Variants in AMBRA1 observed in about 807,000 individuals in gnomAD.
AMBRA1 encodes the protein autophagy and beclin 1 regulator 1.
A neutral mutation model predicts 125.4 loss-of-function variants in AMBRA1; 47 were observed. The observed-to-expected ratio is 0.37, with a 90% CI of 0.30 to 0.48. The LOEUF is 0.48. Ranked by LOEUF, AMBRA1 falls within the 20% of genes least tolerant of loss-of-function variation. The pLI is 0.99. For synonymous variants in AMBRA1, 626 were observed against 655.5 expected (o/e 0.95, Z 0.69); for missense variants, 1,331 against 1,693.4 (o/e 0.79, Z 3.76).
intron 1 of AMBRA1, among the ~76,000 whole-genome samples, chr11:46,554,783 A>C (rs2043115057): frequency 6.6e-6 from 1 of 152,206 alleles, no homozygotes; most frequent in Non-Finnish European, 1.5e-5. Context: ...AGGAAGAAGA[A>C]ACAAGTTTCC....
In AMBRA1 at chr11:46,518,726, AGAACTT is replaced by A. The variant is rs1951631107; in HGVS notation, c.2073-5919_2073-5914del. 3.9e-5 allele frequency among the ~76,000 whole-genome samples: 6 copies of A among 152,328 alleles called. No homozygotes were observed. The South Asian group carries it at 1.2e-3, about 32-fold the overall frequency. On this transcript the variant is annotated intron_variant, in intron 7 of 17. Transcript: ENST00000683756. ...AAATTACTAAGGGACAGAACAAAAA[AGAACTT>A]GAAATTAAAGTATTGTGCACTGGAA...
At chr11:46,505,537 T>C (rs2135024664) in intron 9 of AMBRA1, among the ~76,000 whole-genome samples, 1 of 152,332 alleles carries the variant, frequency 6.6e-6, no homozygotes, top group Admixed American at 6.5e-5. Flanking sequence ...AGAAGGGACT[T>C]TCCAAGGAGT....
intron 14 of AMBRA1, among the ~76,000 whole-genome samples, chr11:46,418,370 A>T (rs955265540): frequency 7.1e-6 from 1 of 140,792 alleles, no homozygotes; most frequent in African/African-American, 2.6e-5. Flanking sequence ...TTTATTATTT[A>T]TATATAAATA....
intron 11 of AMBRA1, among the ~76,000 whole-genome samples, chr11:46,453,001 T>A (rs1226715706): frequency 6.6e-6 from 1 of 152,210 alleles, no homozygotes. Flanking sequence ...TATGTAACCA[T>A]CAGCAAATAA....
intron 8 of AMBRA1, among the ~76,000 whole-genome samples, chr11:46,512,388 C>T (rs1197561998): frequency 6.6e-6 from 1 of 152,078 alleles, no homozygotes; most frequent in African/African-American, 2.4e-5. Context: ...ACATTTTGTT[C>T]CCCTGTTGGC....
At chr11:46,585,839 C>G (rs934940770) in intron 1 of AMBRA1, among the ~76,000 whole-genome samples, 2 of 147,696 alleles carry the variant, frequency 1.4e-5, no homozygotes, top group Non-Finnish European at 3.0e-5. Context: ...GAGTTTCGCT[C>G]TTGTTGCCCA....
chr11:46,417,340 G>A (rs1946591219), intron 15 of AMBRA1, among the ~76,000 whole-genome samples: 1 of 152,118 alleles, frequency 6.6e-6, no homozygotes, highest in African/African-American at 2.4e-5. Flanking sequence ...ATGAGCCACT[G>A]TGCCCAGCCC....
At chr11:46,591,832 G>A (rs1052518652) in intron 1 of AMBRA1, among the ~76,000 whole-genome samples, 3 of 151,914 alleles carry the variant, frequency 2.0e-5, no homozygotes, top group Admixed American at 2.0e-4. Flanking sequence ...ACTCCAGCCT[G>A]GGGGACAAAG....
Position 46,418,042 on chromosome 11 carries a change from T to G in AMBRA1, c.2987A>C (p.Asn996Thr). 2 of 1,597,246 alleles carry G rather than the reference T, an allele frequency of 1.3e-6. No individual in the cohort carries two copies. Among genetic ancestry groups the G allele is most frequent in the Non-Finnish European group, 1.7e-6 (2 of 1,168,650 alleles). ...GTCGGCAGGCATGGGATAAAGGACG[T>G]TGAAAACTCTCTAGGTAGAGGAAAA... ...GGETSMRRVFNVLYPMPADQR... is the reference protein window; with the variant it reads ...GGETSMRRVFTVLYPMPADQR... The change falls in exon 15 of 18, where the codon AAC (asparagine) becomes ACC (threonine). Residue 996 changes from asparagine to threonine, a missense_variant. By Grantham distance (65) the Asn-to-Thr change is moderately conservative. Coordinates refer to ENST00000683756, the MANE Select transcript of AMBRA1 (RefSeq NM_001387011.1).
intron 11 of AMBRA1, among the ~76,000 whole-genome samples, chr11:46,480,899 C>T (rs1004626612): frequency 2.0e-5 from 3 of 152,214 alleles, no homozygotes; most frequent in African/African-American, 7.2e-5. Flanking sequence ...GGGTTTGGGG[C>T]ACAGCCTCTT....
At chr11:46,469,167 T>C (rs940232128) in intron 11 of AMBRA1, among the ~76,000 whole-genome samples, 2 of 152,122 alleles carry the variant, frequency 1.3e-5, no homozygotes, top group African/African-American at 4.8e-5. Flanking sequence ...GAAGATGTAA[T>C]AAAATATTAG....
At chr11:46,447,048 T>C (rs577554772) in intron 11 of AMBRA1, among the ~76,000 whole-genome samples, 3 of 152,354 alleles carry the variant, frequency 2.0e-5, no homozygotes, top group Non-Finnish European at 4.4e-5. Context: ...TCAGTTTCCT[T>C]ATCTGTAGAA....
chr11:46,452,856 G>A (rs1948678567), intron 11 of AMBRA1, among the ~76,000 whole-genome samples: 4 of 152,126 alleles, frequency 2.6e-5, no homozygotes, highest in Admixed American at 2.6e-4. Context: ...TCTCATTTAT[G>A]ATTCTGACAT....
At chr11:46,426,700 C>A (rs1461323707) in intron 14 of AMBRA1, among the ~76,000 whole-genome samples, 1 of 152,120 alleles carries the variant, frequency 6.6e-6, no homozygotes, top group Non-Finnish European at 1.5e-5. Flanking sequence ...AAGAAAAGAA[C>A]TTTTTGAGGA....
intron 7 of AMBRA1, among the ~76,000 whole-genome samples, chr11:46,539,822 C>T (rs1012682212): frequency 1.4e-4 from 21 of 152,070 alleles, no homozygotes; most frequent in African/African-American, 4.8e-4. Flanking sequence ...CCCTCAGTAA[C>T]TGGTATCTCT....
At chr11:46,592,998 G>C (rs1351515299) in intron 1 of AMBRA1, among the ~76,000 whole-genome samples, 1 of 152,022 alleles carries the variant, frequency 6.6e-6, no homozygotes, top group Non-Finnish European at 1.5e-5. Flanking sequence ...AGACAACAAG[G>C]TTATCAGGAA....
chr11:46,591,725 G>A (rs1565334680), intron 1 of AMBRA1, among the ~76,000 whole-genome samples: 1 of 151,424 alleles, frequency 6.6e-6, no homozygotes, highest in African/African-American at 2.4e-5. Flanking sequence ...GCGTGGTGGC[G>A]ACGCCTGTAA....
intron 1 of AMBRA1, among the ~76,000 whole-genome samples, chr11:46,574,568 C>T (rs1181422737): frequency 1.3e-5 from 2 of 151,692 alleles, no homozygotes; most frequent in East Asian, 1.9e-4. Flanking sequence ...GGATATTAGC[C>T]CTTTGTCAGA....
chr11:46,573,277 C>T (rs955912043), intron 1 of AMBRA1, among the ~76,000 whole-genome samples: 3 of 151,758 alleles, frequency 2.0e-5, no homozygotes, highest in African/African-American at 7.3e-5. Flanking sequence ...TGGTGGCACG[C>T]ACCTGTAATC....
Sources: allele counts gnomAD v4.1 joint callset (sites outside exome capture counted in the v4.1 genomes callset), GRCh38; gene constraint gnomAD v4.1.1; transcripts MANE v1.5; gene names NCBI Gene and HGNC (gene_info 2026-07-23, HGNC 2026-07-21).